MYH11: variants seen among roughly 807,000 people sequenced by gnomAD.
MYH11 encodes the protein myosin heavy chain 11.
Under a neutral mutation model 246.6 loss-of-function variants are expected in MYH11, and 80 were observed. The ratio of observed to expected loss-of-function variants is 0.32; its 90% CI spans 0.27 to 0.39. MYH11 has a LOEUF of 0.39. Among genes scored for constraint, MYH11 ranks in the 10% least tolerant of loss-of-function variants. The pLI is 1.00. For missense variants in MYH11, 2,158 were observed against 2,546.8 expected, an observed-to-expected ratio of 0.85 and a Z score of 3.29; for synonymous variants, 1,071 against 1,015.5, an observed-to-expected ratio of 1.05 and a Z score of -1.04.
At chr16:15,760,069 C>T (rs948425424) in intron 11 of MYH11, among the ~76,000 whole-genome samples, 3 of 152,210 alleles carry the variant, frequency 2.0e-5, no homozygotes, top group Admixed American at 2.0e-4. Context: ...TGCACCCCCC[C>T]CTGGGCAACA....
chr16:15,856,447 C>T (rs1368506751), intron 1 of MYH11, among the ~76,000 whole-genome samples: 1 of 152,028 alleles, frequency 6.6e-6, no homozygotes, highest in Admixed American at 6.6e-5. Flanking sequence ...CAAGGAGCCT[C>T]ACTTTGCCCT....
intron 20 of MYH11, among the ~76,000 whole-genome samples, chr16:15,743,474 G>A (rs192078464): frequency 6.6e-6 from 1 of 152,234 alleles, no homozygotes; most frequent in East Asian, 1.9e-4. Flanking sequence ...TGGCTAAGAC[G>A]ATTTTCTTAG....
intron 36 of MYH11, 50 bp downstream of exon 36, chr16:15,719,170 G>C (rs368824547): frequency 1.2e-5 from 19 of 1,532,328 alleles, no homozygotes; most frequent in Non-Finnish European, 1.7e-5. Context: ...GATGCTGCCT[G>C]TCCCCCCATC....
rs2039289167 is a variant in MYH11 at position 15,703,387 on chromosome 16, C to G, written c.*604G>C. 1 of 238,246 alleles carries G rather than the reference C, an allele frequency of 4.2e-6. No homozygotes were observed. Among genetic ancestry groups the G allele is most frequent in the Non-Finnish European group, 8.3e-6 (1 of 120,436 alleles). The allele number at this position is 238,246 out of a possible 1,614,324, so 14.8% of individuals were successfully genotyped here. On this transcript the variant is annotated 3_prime_UTR_variant, in exon 41 of 41. Coordinates refer to ENST00000300036, the MANE Select transcript of MYH11 (RefSeq NM_002474.3). ...ATGAATTGGGAGTGGGGGCCGGCGG[C>G]ACCCATTTCGGTGACTTTCTCCCCA...
chr16:15,725,162 CA>C (rs886051749), intron 28 of MYH11, 170 bp from the exon 29 acceptor site: 6 of 636,348 alleles, frequency 9.4e-6, no homozygotes, highest in South Asian at 3.7e-5. Flanking sequence ...CACACACACA[CA>C]AAAAAAACAG....
At chr16:15,786,492 C>T (rs1232893714) in intron 5 of MYH11, 138 bp downstream of exon 5, 2 of 882,108 alleles carry the variant, frequency 2.3e-6, no homozygotes, top group East Asian at 2.4e-5. Context: ...AAAGACGGTC[C>T]CTCTTTGAGT....
intron 3 of MYH11, among the ~76,000 whole-genome samples, chr16:15,806,426 C>T (rs537052573): frequency 1.3e-5 from 2 of 150,540 alleles, no homozygotes; most frequent in Non-Finnish European, 1.5e-5. Flanking sequence ...CCAGGAGCTG[C>T]GGGTAGGAAT....
chr16:15,831,800 G>A (rs533695906), intron 2 of MYH11, among the ~76,000 whole-genome samples: 3 of 152,192 alleles, frequency 2.0e-5, no homozygotes, highest in South Asian at 2.1e-4. Context: ...TTAGCTGGGC[G>A]TGGTGGCATG....
chr16:15,786,935 C>T (rs192829891), intron 4 of MYH11, among the ~76,000 whole-genome samples: 1 of 152,300 alleles, frequency 6.6e-6, no homozygotes, highest in East Asian at 1.9e-4. Flanking sequence ...AATGCCCAAT[C>T]TATTCCTTCC....
intron 1 of MYH11, among the ~76,000 whole-genome samples, chr16:15,853,146 G>A (rs1452783777): frequency 6.6e-6 from 1 of 151,974 alleles, no homozygotes; most frequent in Non-Finnish European, 1.5e-5. Context: ...AAAGTTCTAT[G>A]CCCCTCACCT....
intron 3 of MYH11, among the ~76,000 whole-genome samples, chr16:15,801,492 CA>C (rs869102079): frequency 4.0e-5 from 6 of 149,884 alleles, no homozygotes; most frequent in Non-Finnish European, 7.4e-5. Context: ...CCAGTCTCTA[CA>C]AAAAAAAATT....
intron 24 of MYH11, 147 bp downstream of exon 24, chr16:15,738,418 C>T: frequency 1.4e-6 from 1 of 695,096 alleles, no homozygotes; most frequent in East Asian, 2.9e-5. Flanking sequence ...GAGGCTGAGG[C>T]AGGAGGATCA....
At chr16:15,721,800 C>G (rs544954985) in intron 31 of MYH11, 166 bp from the exon 32 acceptor site, 8 of 695,012 alleles carry the variant, frequency 1.2e-5, no homozygotes, top group Non-Finnish European at 2.0e-5. Context: ...GGCGTTCTGA[C>G]TTCTACATCA....
intron 1 of MYH11, among the ~76,000 whole-genome samples, chr16:15,842,762 CAAAAAAAAAAA>C (rs757920488): frequency 2.4e-3 from 47 of 19,676 alleles, no homozygotes; most frequent in East Asian, 7.1e-3. Context: ...AGACTTCATC[CAAAAAAAAAAA>C]AAAAAAAAAA....
chr16:15,804,785 C>A (rs1278460377), intron 3 of MYH11, among the ~76,000 whole-genome samples: 2 of 152,210 alleles, frequency 1.3e-5, no homozygotes, highest in Non-Finnish European at 1.5e-5. Context: ...TGTCTGACTT[C>A]TTTCACTCAG....
At chr16:15,766,981 CT>C (rs1324368447) in intron 9 of MYH11, among the ~76,000 whole-genome samples, 1 of 152,152 alleles carries the variant, frequency 6.6e-6, no homozygotes, top group East Asian at 1.9e-4. Context: ...CCCAGCTTTG[CT>C]TCTTATAAAT....
At chr16:15,776,379 G>A (rs772750242) in intron 7 of MYH11, among the ~76,000 whole-genome samples, 8 of 152,160 alleles carry the variant, frequency 5.3e-5, no homozygotes, top group Non-Finnish European at 1.0e-4. Context: ...AAAAAAAAGG[G>A]AGGGGAATAG....
intron 2 of MYH11, among the ~76,000 whole-genome samples, chr16:15,830,414 T>C (rs1422221749): frequency 2.6e-5 from 4 of 152,212 alleles, no homozygotes; most frequent in African/African-American, 9.6e-5. Context: ...TTAATCATTA[T>C]GGTTCATCCC....
intron 27 of MYH11, among the ~76,000 whole-genome samples, chr16:15,729,802 C>T (rs531358389): frequency 2.0e-4 from 30 of 151,854 alleles, no homozygotes; most frequent in South Asian, 1.9e-3. Flanking sequence ...CTGCCTGCCT[C>T]GGGCTCCCAA....
Sources: allele counts gnomAD v4.1 joint callset (sites outside exome capture counted in the v4.1 genomes callset), GRCh38; gene constraint gnomAD v4.1.1; transcripts MANE v1.5; gene names NCBI Gene and HGNC (gene_info 2026-07-23, HGNC 2026-07-21).